Variants in ARAP1 observed in about 807,000 individuals in gnomAD.
The protein encoded by ARAP1 is ArfGAP with RhoGAP domain, ankyrin repeat and PH domain 1.
ARAP1 carries 76 observed loss-of-function variants against 172.2 expected under a neutral mutation model. The observed-to-expected ratio is 0.44, with a 90% CI of 0.37 to 0.53. The LOEUF is 0.53. Among genes scored for constraint, ARAP1 ranks in the 20% least tolerant of loss-of-function variants. The pLI is 0.00. For synonymous variants in ARAP1, 804 were observed against 803.3 expected (o/e 1.00, Z -0.01); for missense variants, 1,686 against 1,977.5 (o/e 0.85, Z 2.80).
chr11:72,739,334 G>A (rs1263924335), intron 1 of ARAP1, among the ~76,000 whole-genome samples: 1 of 152,206 alleles, frequency 6.6e-6, no homozygotes, highest in African/African-American at 2.4e-5. Context: ...CCTGGCCCAT[G>A]TGTGGTGTGG....
intron 14 of ARAP1, chr11:72,703,414 G>C (rs372207414): frequency 6.1e-5 from 10 of 163,738 alleles, no homozygotes; most frequent in Middle Eastern, 2.1e-3. Context: ...GAGCCGGGGG[G>C]GGGGTGTGCT....
Position 72,695,401 on chromosome 11 carries a change from C to T in ARAP1, c.3562G>A (p.Glu1188Lys). Residue 1188 changes from glutamate (E) to lysine (K), a missense_variant, in exon 26 of 35, where the codon GAG (glutamate) becomes AAG (lysine). This residue lies in a region of ARAP1 where 379 missense variants were observed against 500.1 expected (regional missense o/e 0.76). Transcript: ENST00000393609. This position sits in a 1 kb window ranked among gnomAD's most constrained non-coding sequence, Gnocchi z 4.4. Reference protein sequence around the residue: ...VYLEEKKAETEQHIKVPASMT... With the variant: ...VYLEEKKAETKQHIKVPASMT... ...CCAGCACCTACCTTGATATGCTGCTCAGTCTCTGCCTTCTTCTCTTCCAGA... is the reference window on the plus strand; with the variant it reads ...CCAGCACCTACCTTGATATGCTGCTTAGTCTCTGCCTTCTTCTCTTCCAGA... 1 of 1,614,214 alleles carries T rather than the reference C, an allele frequency of 6.2e-7. No homozygotes were observed. The highest frequency in any genetic ancestry group is 8.5e-7 in the Non-Finnish European group (1 of 1,180,040).
intron 2 of ARAP1, among the ~76,000 whole-genome samples, chr11:72,729,563 C>T (rs1298527912): frequency 4.6e-5 from 7 of 151,532 alleles, no homozygotes; most frequent in Non-Finnish European, 1.0e-4. Context: ...CCAGCCTGGG[C>T]AACAGAGAGA....
In ARAP1 at chr11:72,714,195, G is replaced by T. The variant is rs981828723; in HGVS notation, c.636C>A (p.Pro212=). ...PPQPPSPPPC[P]PEIPPKPVRL... is the part of the protein sequence containing the mutation. ...GTACCGGCTTTGGAGGTATCTCCGGGGGGCAGGGAGGTGGAGAGGGAGGCT... is the reference window on the plus strand; with the variant it reads ...GTACCGGCTTTGGAGGTATCTCCGGTGGGCAGGGAGGTGGAGAGGGAGGCT... Residue 212 remains proline, a synonymous_variant, in exon 4 of 35, where the codon CCC becomes CCA. Coordinates refer to ENST00000393609, the MANE Select transcript of ARAP1 (RefSeq NM_001040118.3). 6.6e-7 allele frequency: 1 copy of T among 1,518,030 alleles called. No homozygotes were observed. The highest frequency in any genetic ancestry group is 8.8e-7 in the Non-Finnish European group (1 of 1,138,694). 94.0% of individuals were successfully genotyped at this position (1,518,030 alleles called of 1,614,324 possible). A position where few individuals can be genotyped will look rare whatever the true frequency, so the allele number is the denominator to read the frequency against.
rs1856034693 is a variant in ARAP1, at chr11:72,693,568, C to G, written c.3809-98G>C. 1 of 1,539,524 alleles carries G rather than the reference C, an allele frequency of 6.5e-7. No homozygotes were observed. The highest frequency in any genetic ancestry group is 1.4e-5 in the African/African-American group (1 of 73,220). ...GCTGCCCCATCCTGCCCCAGCCTCT[C>G]CATAGAGGCCCACCCACTTGGCGCC... On this transcript the variant is annotated intron_variant, in intron 28 of 34. Transcript: ENST00000393609. The surrounding 1 kb of genome is among the most constrained non-coding windows in gnomAD (Gnocchi z 4.6).
intron 2 of ARAP1, among the ~76,000 whole-genome samples, chr11:72,728,893 T>C (rs1857775771): frequency 6.6e-6 from 1 of 152,154 alleles, no homozygotes; most frequent in Non-Finnish European, 1.5e-5. Context: ...CAATTAAATA[T>C]GTACAGAATT....
intron 1 of ARAP1, among the ~76,000 whole-genome samples, chr11:72,750,215 G>A (rs962822224): frequency 6.6e-6 from 1 of 152,196 alleles, no homozygotes; most frequent in African/African-American, 2.4e-5. Context: ...GGAGCCCAGG[G>A]CCCGGTCCAG....
At chr11:72,737,092 C>A (rs531337049) in intron 1 of ARAP1, among the ~76,000 whole-genome samples, 4 of 152,320 alleles carry the variant, frequency 2.6e-5, no homozygotes, top group African/African-American at 9.6e-5. Context: ...TGAGGCTGAG[C>A]CCCATATCTC....
At chr11:72,692,033 C>T (rs1855954407) in intron 30 of ARAP1, among the ~76,000 whole-genome samples, 1 of 152,122 alleles carries the variant, frequency 6.6e-6, no homozygotes, top group South Asian at 2.1e-4. Context: ...CTCACTCGCC[C>T]GATGTTCACC....
intron 27 of ARAP1, 109 bp downstream of exon 27, chr11:72,694,871 G>T: frequency 1.1e-6 from 1 of 902,022 alleles, no homozygotes; most frequent in Non-Finnish European, 1.7e-6. Flanking sequence ...TGTCATCAAA[G>T]CCCTTTTCAC....
intron 2 of ARAP1, among the ~76,000 whole-genome samples, chr11:72,730,770 C>T (rs1319684677): frequency 6.6e-6 from 1 of 152,228 alleles, no homozygotes; most frequent in Non-Finnish European, 1.5e-5. Context: ...TTACTGGCAC[C>T]TGCCAGAATT....
chr11:72,704,388 C>T (rs1856659805), intron 13 of ARAP1, 54 bp from the exon 14 acceptor site: 6 of 1,481,802 alleles, frequency 4.0e-6, no homozygotes, highest in African/African-American at 2.8e-5. Flanking sequence ...GGGGCCGTGC[C>T]GGGCAGAAAC....
intron 3 of ARAP1, among the ~76,000 whole-genome samples, chr11:72,715,579 T>TTA (rs1857237266): frequency 6.6e-6 from 1 of 151,092 alleles, no homozygotes; most frequent in Non-Finnish European, 1.5e-5. Context: ...TCTTTTTTTT[T>TTA]TTTTTTTTTA....
chr11:72,742,396 G>A (rs755530149), intron 1 of ARAP1, among the ~76,000 whole-genome samples: 10 of 152,090 alleles, frequency 6.6e-5, no homozygotes, highest in Non-Finnish European at 1.5e-4. Context: ...GTGGCTTCAG[G>A]CCATGTTACA....
intron 1 of ARAP1, among the ~76,000 whole-genome samples, chr11:72,739,891 C>T (rs1447681810): frequency 1.3e-5 from 2 of 152,166 alleles, no homozygotes; most frequent in African/African-American, 2.4e-5. Flanking sequence ...CCAGCCATGT[C>T]CCCCTGCAGA....
intron 1 of ARAP1, among the ~76,000 whole-genome samples, chr11:72,739,822 C>G (rs1400175507): frequency 3.9e-5 from 6 of 152,158 alleles, no homozygotes; most frequent in African/African-American, 1.2e-4. Flanking sequence ...GGGCTAGACT[C>G]CCTCCACATC....
Position 72,695,873 on chromosome 11 carries a change from G to C in ARAP1, c.3273-8C>G, listed in dbSNP as rs772864582. ...TCTGAGAAGCACTGAACACTGGAGA[G>C]GGGAGGAGGAGGGCTTTGAGTGAGG... is the stretch of plus-strand genomic sequence containing the variant. On this transcript the variant is annotated splice_region_variant and splice_polypyrimidine_tract_variant and intron_variant, in intron 23 of 34. Coordinates refer to ENST00000393609, the MANE Select transcript of ARAP1 (RefSeq NM_001040118.3). The surrounding 1 kb of genome is among the most constrained non-coding windows in gnomAD (Gnocchi z 4.4). The C allele has an allele frequency of 2.5e-5, 41 of 1,608,188 alleles. No individual in the cohort carries two copies. In the African/African-American group the frequency reaches 2.8e-4, roughly 11 times the overall value.
Position 72,704,143 on chromosome 11 carries a change from T to C in ARAP1, c.1992+9A>G. The C allele has an allele frequency of 1.2e-6, 2 of 1,613,968 alleles. No individual in the cohort carries two copies. The highest frequency in any genetic ancestry group is 1.7e-6 in the Non-Finnish European group (2 of 1,179,948). On this transcript the variant is annotated intron_variant, in intron 14 of 34. Transcript: ENST00000393609. Reference sequence around the variant, plus strand: ...GTCCCAAGGGGCCCCAGAGCTGCAGTGCCCTGACCTTGTCCAGCTCCTCCT... The same window carrying C: ...GTCCCAAGGGGCCCCAGAGCTGCAGCGCCCTGACCTTGTCCAGCTCCTCCT...
At chr11:72,743,338 C>G (rs956429595) in intron 1 of ARAP1, among the ~76,000 whole-genome samples, 2 of 152,248 alleles carry the variant, frequency 1.3e-5, no homozygotes, top group Non-Finnish European at 2.9e-5. Flanking sequence ...TGTTTTCAGC[C>G]TTTGCTGCCC....
Sources: allele counts gnomAD v4.1 joint callset (sites outside exome capture counted in the v4.1 genomes callset), GRCh38; gene constraint gnomAD v4.1.1; regional missense constraint gnomAD v4.1.1; non-coding constraint Gnocchi (gnomAD v3.1); transcripts MANE v1.5; gene names NCBI Gene and HGNC (gene_info 2026-07-23, HGNC 2026-07-21).